Variants in CNTNAP2 observed in about 807,000 individuals in gnomAD.
The protein encoded by CNTNAP2 is contactin associated protein 2.
In CNTNAP2, 98 loss-of-function variants were observed where a neutral mutation model predicts 155.2. The observed-to-expected ratio is 0.63, with a 90% CI of 0.54 to 0.75. The LOEUF is 0.75. Ranked by LOEUF, CNTNAP2 falls within the 30% of genes least tolerant of loss-of-function variation. The probability of loss-of-function intolerance (pLI) is 0.00; values close to 1 mark genes in which losing one functional copy is unlikely to be tolerated. For missense variants in CNTNAP2, 1,727 were observed against 1,688.1 expected, an observed-to-expected ratio of 1.02 and a Z score of -0.40; for synonymous variants, 651 against 631.2, an observed-to-expected ratio of 1.03 and a Z score of -0.47.
chr7:148,163,383 C>T (rs1805589110), intron 17 of CNTNAP2, among the ~76,000 whole-genome samples: 1 of 152,048 alleles, frequency 6.6e-6, no homozygotes, highest in African/African-American at 2.4e-5. Flanking sequence ...TTGAAATAAC[C>T]AATAGTTTAC....
chr7:146,872,508 T>C (rs1585131758), intron 3 of CNTNAP2, among the ~76,000 whole-genome samples: 1 of 152,284 alleles, frequency 6.6e-6, no homozygotes, highest in African/African-American at 2.4e-5. Flanking sequence ...TACAAAGACA[T>C]TGTCAGTTAT....
chr7:148,203,338 C>T (rs1795395933), intron 18 of CNTNAP2, among the ~76,000 whole-genome samples: 2 of 152,206 alleles, frequency 1.3e-5, no homozygotes, highest in South Asian at 2.1e-4. Context: ...TCAAATAAAA[C>T]GTGTTTCCCT....
intron 8 of CNTNAP2, among the ~76,000 whole-genome samples, chr7:147,164,598 T>G (rs2116461289): frequency 6.6e-6 from 1 of 152,296 alleles, no homozygotes; most frequent in South Asian, 2.1e-4. Flanking sequence ...GTCTCATGGA[T>G]TTTTAGAATT....
intron 19 of CNTNAP2, among the ~76,000 whole-genome samples, chr7:148,227,884 CGTGTGTGTGTGTGTGTGTGTGTGTGT>C (rs3057282): frequency 7.6e-6 from 1 of 131,406 alleles, no homozygotes; most frequent in Non-Finnish European, 1.6e-5. Flanking sequence ...AAGAGCACAG[CGTGTGTGTGTGTGTGTGTGTGTGTGT>C]GTGTGTGTGT....
chr7:147,920,956 C>A (rs1800266951), intron 14 of CNTNAP2, among the ~76,000 whole-genome samples: 1 of 151,712 alleles, frequency 6.6e-6, no homozygotes, highest in Non-Finnish European at 1.5e-5. Flanking sequence ...ACTACAGGCA[C>A]CCGCCACCAC....
chr7:146,203,107 T>C (rs1186725974), intron 1 of CNTNAP2, among the ~76,000 whole-genome samples: 1 of 152,046 alleles, frequency 6.6e-6, no homozygotes, highest in African/African-American at 2.4e-5. Context: ...CAGAAGGTTT[T>C]TGTGACCAAG....
chr7:146,511,218 T>C (rs1797461215), intron 1 of CNTNAP2, among the ~76,000 whole-genome samples: 1 of 152,148 alleles, frequency 6.6e-6, no homozygotes, highest in African/African-American at 2.4e-5. Flanking sequence ...TAATATAAGA[T>C]TGTGCCATCT....
At chr7:146,880,385 T>G (rs1177588860) in intron 3 of CNTNAP2, among the ~76,000 whole-genome samples, 1 of 151,756 alleles carries the variant, frequency 6.6e-6, no homozygotes, top group Non-Finnish European at 1.5e-5. Flanking sequence ...AAAAGGGCCC[T>G]CACTAGGAAC....
chr7:147,042,608 C>G (rs982514801), intron 3 of CNTNAP2, among the ~76,000 whole-genome samples: 6 of 151,940 alleles, frequency 3.9e-5, no homozygotes, highest in African/African-American at 1.2e-4. Flanking sequence ...TTTAAAACAT[C>G]ATTATTAAAG....
chr7:148,411,341 C>T (rs1402590781), intron 23 of CNTNAP2, among the ~76,000 whole-genome samples: 1 of 152,176 alleles, frequency 6.6e-6, no homozygotes, highest in Non-Finnish European at 1.5e-5. Context: ...TCTCAGTTCA[C>T]TGCAATCTCT....
At chr7:146,653,393 A>T (rs557481062) in intron 1 of CNTNAP2, among the ~76,000 whole-genome samples, 1 of 152,150 alleles carries the variant, frequency 6.6e-6, no homozygotes, top group Non-Finnish European at 1.5e-5. Context: ...AGCGAACAAG[A>T]CATTCATGGT....
intron 1 of CNTNAP2, among the ~76,000 whole-genome samples, chr7:146,644,473 G>A (rs958328390): frequency 2.0e-5 from 3 of 152,110 alleles, no homozygotes; most frequent in African/African-American, 4.8e-5. Flanking sequence ...ATTTGCGTAT[G>A]TTGAACCAGC....
At chr7:148,035,450 A>G (rs962048833) in intron 15 of CNTNAP2, among the ~76,000 whole-genome samples, 13 of 152,172 alleles carry the variant, frequency 8.5e-5, no homozygotes, top group African/African-American at 3.1e-4. Context: ...CCAGTGTAGC[A>G]GTCCTCGACC....
chr7:146,630,922 T>C (rs1457278580), intron 1 of CNTNAP2, among the ~76,000 whole-genome samples: 1 of 151,730 alleles, frequency 6.6e-6, no homozygotes, highest in Non-Finnish European at 1.5e-5. Flanking sequence ...CACAAACAAA[T>C]GGAAAAAAAA....
intron 15 of CNTNAP2, among the ~76,000 whole-genome samples, chr7:147,988,408 A>C (rs1483602952): frequency 1.3e-5 from 2 of 152,210 alleles, no homozygotes; most frequent in Non-Finnish European, 2.9e-5. Context: ...CCCATTTCAA[A>C]ATATGGCTAA....
At chr7:146,955,819 G>A (rs562955338) in intron 3 of CNTNAP2, among the ~76,000 whole-genome samples, 35 of 152,072 alleles carry the variant, frequency 2.3e-4, no homozygotes, top group African/African-American at 8.4e-4. Flanking sequence ...TCGAATATAA[G>A]AGATAATTCT....
At chr7:147,268,062 C>A (rs1465305213) in intron 8 of CNTNAP2, among the ~76,000 whole-genome samples, 1 of 152,146 alleles carries the variant, frequency 6.6e-6, no homozygotes, top group Non-Finnish European at 1.5e-5. Flanking sequence ...CTACTTTGTG[C>A]TGACCCATTC....
At chr7:146,737,744 T>C (rs1424701196) in intron 1 of CNTNAP2, among the ~76,000 whole-genome samples, 1 of 152,114 alleles carries the variant, frequency 6.6e-6, no homozygotes, top group African/African-American at 2.4e-5. Flanking sequence ...TTGTCTTTTG[T>C]CTTTCTGTGC....
intron 6 of CNTNAP2, chr7:147,121,856 GT>G (rs1320843995): frequency 1.3e-5 from 2 of 152,196 alleles, no homozygotes; most frequent in Admixed American, 1.3e-4. Flanking sequence ...CATTAAAACT[GT>G]TAATCATATA....
Sources: gnomAD v4.1 joint callset for allele counts (sites outside exome capture counted in the v4.1 genomes callset) on GRCh38, gnomAD v4.1.1 for gene constraint, MANE v1.5 for transcripts, NCBI Gene and HGNC (gene_info 2026-07-23, HGNC 2026-07-21) for gene names.